Variants in LRRC4C observed in about 807,000 individuals in gnomAD.
The protein encoded by LRRC4C is leucine-rich repeat-containing protein 4C.
In LRRC4C, 5 loss-of-function variants were observed where a neutral mutation model predicts 33.6. The ratio of observed to expected loss-of-function variants is 0.15; its 90% confidence interval spans 0.08 to 0.31. The LOEUF is 0.31. Ranked by LOEUF, LRRC4C falls within the 10% of genes least tolerant of loss-of-function variation. LRRC4C has a pLI of 1.00. For synonymous variants in LRRC4C, 329 were observed against 302.0 expected (o/e 1.09, Z -0.93); for missense variants, 560 against 796.7 (o/e 0.70, Z 3.58).
At chr11:40,359,269 T>A (rs1364121452) in intron 3 of LRRC4C, among the ~76,000 whole-genome samples, 1 of 152,174 alleles carries the variant, frequency 6.6e-6, no homozygotes, top group Admixed American at 6.6e-5. Context: ...AAACATCCTA[T>A]CTTCTGTGCC....
chr11:40,742,705 T>C (rs917491869), intron 2 of LRRC4C, among the ~76,000 whole-genome samples: 4 of 152,056 alleles, frequency 2.6e-5, no homozygotes, highest in Non-Finnish European at 4.4e-5. Context: ...AATAATCTAG[T>C]ACTTGGGATC....
intron 4 of LRRC4C, among the ~76,000 whole-genome samples, chr11:40,270,351 A>G (rs1590871413): frequency 6.6e-6 from 1 of 151,968 alleles, no homozygotes; most frequent in Non-Finnish European, 1.5e-5. Context: ...AAATGTCCAC[A>G]TTCTCACTGT....
intron 2 of LRRC4C, among the ~76,000 whole-genome samples, chr11:40,745,563 T>C (rs1280575676): frequency 6.6e-6 from 1 of 152,164 alleles, no homozygotes; most frequent in Non-Finnish European, 1.5e-5. Context: ...ATATGGCAGA[T>C]GATAATTTGA....
intron 2 of LRRC4C, among the ~76,000 whole-genome samples, chr11:40,805,365 T>C (rs932119719): frequency 3.9e-5 from 6 of 152,202 alleles, no homozygotes; most frequent in South Asian, 2.1e-4. Context: ...ACTTGACCAA[T>C]TGGACAAATC....
At chr11:40,131,813 G>T (rs1176572922) in intron 6 of LRRC4C, among the ~76,000 whole-genome samples, 1 of 152,122 alleles carries the variant, frequency 6.6e-6, no homozygotes, top group East Asian at 1.9e-4. Flanking sequence ...TATGGAGAAT[G>T]GTTGATGCGT....
intron 5 of LRRC4C, among the ~76,000 whole-genome samples, chr11:40,170,074 AAC>A (rs1405147382): frequency 6.6e-6 from 1 of 152,210 alleles, no homozygotes; most frequent in East Asian, 1.9e-4. Context: ...ATGTTATTAA[AAC>A]ACAGAGTTCT....
At chr11:40,434,679 T>C (rs536986814) in intron 3 of LRRC4C, among the ~76,000 whole-genome samples, 8 of 152,328 alleles carry the variant, frequency 5.3e-5, no homozygotes, top group African/African-American at 1.9e-4. Context: ...CCATGCACAG[T>C]TGTTCTTCAG....
chr11:41,317,471 A>G (rs1474109333), intron 1 of LRRC4C, among the ~76,000 whole-genome samples: 1 of 152,178 alleles, frequency 6.6e-6, no homozygotes, highest in Non-Finnish European at 1.5e-5. Flanking sequence ...TGTTTTAAGA[A>G]GAAATATTAA....
At chr11:40,187,895 G>A (rs1861534387) in intron 5 of LRRC4C, among the ~76,000 whole-genome samples, 1 of 152,198 alleles carries the variant, frequency 6.6e-6, no homozygotes, top group African/African-American at 2.4e-5. Flanking sequence ...AGAAAGGTGT[G>A]TGGGGGTCGG....
At chr11:40,484,363 A>G (rs1397439010) in intron 3 of LRRC4C, among the ~76,000 whole-genome samples, 1 of 152,068 alleles carries the variant, frequency 6.6e-6, no homozygotes, top group African/African-American at 2.4e-5. Flanking sequence ...GGCATCCTAA[A>G]ACATAAACAC....
chr11:40,952,896 A>ACACACTCT (rs1156767689), intron 1 of LRRC4C, among the ~76,000 whole-genome samples: 30 of 70,236 alleles, frequency 4.3e-4, no homozygotes, highest in African/African-American at 1.5e-3. Context: ...ACACACACAC[A>ACACACTCT]CTCTCTCTCT....
chr11:40,677,079 CTT>C (rs535836593), intron 2 of LRRC4C, among the ~76,000 whole-genome samples: 2 of 152,224 alleles, frequency 1.3e-5, no homozygotes, highest in African/African-American at 4.8e-5. Context: ...TTTAAATTCT[CTT>C]CTTTCTTTAC....
chr11:40,951,459 A>G (rs1958687359), intron 1 of LRRC4C, among the ~76,000 whole-genome samples: 1 of 151,960 alleles, frequency 6.6e-6, no homozygotes, highest in Admixed American at 6.6e-5. Flanking sequence ...GATAGTGAGG[A>G]CTTAAACATC....
At chr11:40,865,049 G>C (rs1954286195) in intron 2 of LRRC4C, among the ~76,000 whole-genome samples, 2 of 152,144 alleles carry the variant, frequency 1.3e-5, no homozygotes, top group South Asian at 2.1e-4. Context: ...ATTGTGACTA[G>C]TGCTGCAATA....
intron 1 of LRRC4C, among the ~76,000 whole-genome samples, chr11:41,253,227 A>G (rs1189731144): frequency 2.0e-5 from 3 of 152,120 alleles, no homozygotes; most frequent in Non-Finnish European, 4.4e-5. Flanking sequence ...AGATTACTGG[A>G]TGGGTCTGTA....
At chr11:40,782,297 T>C (rs1461367042) in intron 2 of LRRC4C, among the ~76,000 whole-genome samples, 1 of 152,198 alleles carries the variant, frequency 6.6e-6, no homozygotes, top group Non-Finnish European at 1.5e-5. Context: ...CTACCCGTCC[T>C]GATGCAGTGC....
intron 3 of LRRC4C, among the ~76,000 whole-genome samples, chr11:40,322,944 A>G (rs780451069): frequency 6.6e-6 from 1 of 152,222 alleles, no homozygotes; most frequent in Non-Finnish European, 1.5e-5. Flanking sequence ...AAATCTCAAT[A>G]AAAAGAGATT....
intron 3 of LRRC4C, among the ~76,000 whole-genome samples, chr11:40,363,180 G>C (rs1298740698): frequency 1.3e-5 from 2 of 152,126 alleles, no homozygotes; most frequent in African/African-American, 2.4e-5. Flanking sequence ...GGATGGACTG[G>C]ATAAAGAAAA....
chr11:41,284,844 A>G (rs1279003481), intron 1 of LRRC4C, among the ~76,000 whole-genome samples: 1 of 152,162 alleles, frequency 6.6e-6, no homozygotes, highest in Non-Finnish European at 1.5e-5. Flanking sequence ...AGCAACTCAC[A>G]TATTTCATTC....
Sources: allele counts gnomAD v4.1 joint callset (sites outside exome capture counted in the v4.1 genomes callset), GRCh38; gene constraint gnomAD v4.1.1; transcripts MANE v1.5; gene names NCBI Gene and HGNC (gene_info 2026-07-23, HGNC 2026-07-21).